The following MRTFB variants were observed in gnomAD, a reference collection of about 807,000 sequenced individuals.
The protein encoded by MRTFB is myocardin related transcription factor B, also known as myocardin-related transcription factor B.
A neutral mutation model predicts 104.2 loss-of-function variants in MRTFB; 29 were observed. That is an observed-to-expected ratio of 0.28 (90% CI 0.21 to 0.38). MRTFB has a LOEUF of 0.38. MRTFB is among the 10% of genes least tolerant of loss of function. The pLI, the probability that MRTFB is intolerant of heterozygous loss-of-function variation, is 1.00. For missense variants in MRTFB, 1,270 were observed against 1,341.6 expected (o/e 0.95, Z 0.83); for synonymous variants, 535 against 519.5 (o/e 1.03, Z -0.41).
chr16:14,152,317 CATAT>C (rs1253921605), intron 3 of MRTFB: 1 of 151,556 alleles, frequency 6.6e-6, no homozygotes, highest in African/African-American at 2.4e-5. Flanking sequence ...CATGTTTATG[CATAT>C]ATATAAATAT....
intron 2 of MRTFB, among the ~76,000 whole-genome samples, chr16:14,134,490 G>T (rs1402594778): frequency 6.6e-6 from 1 of 152,206 alleles, no homozygotes; most frequent in Non-Finnish European, 1.5e-5. Flanking sequence ...AAGAGGAGAG[G>T]GTTTCCTTCA....
intron 2 of MRTFB, among the ~76,000 whole-genome samples, chr16:14,127,929 ATTTT>A (rs67001306): frequency 1.3e-3 from 56 of 44,568 alleles, no homozygotes; most frequent in East Asian, 3.9e-3. Context: ...ATATATATAT[ATTTT>A]TTTTTTTTTT....
At chr16:14,006,246 G>A in the MRTFB span, among the ~76,000 whole-genome samples, 2 of 152,184 alleles carry the variant, frequency 1.3e-5, no homozygotes, top group African/African-American at 2.4e-5. Flanking sequence ...GGGAGGCTGA[G>A]GCAGGAGAAC....
At chr16:14,187,148 A>G in intron 3 of MRTFB, 1 of 805,964 alleles carries the variant, frequency 1.2e-6, no homozygotes, top group Non-Finnish European at 1.9e-6. Context: ...TCACTCATGT[A>G]CCTTACACAT....
At chr16:14,028,390 G>A in the MRTFB span, among the ~76,000 whole-genome samples, 1 of 152,076 alleles carries the variant, frequency 6.6e-6, no homozygotes, top group Non-Finnish European at 1.5e-5. Flanking sequence ...AGAAAGGCTC[G>A]GGTTTCCTGC....
the MRTFB span, among the ~76,000 whole-genome samples, chr16:14,023,342 G>A: frequency 6.6e-6 from 1 of 152,130 alleles, no homozygotes; most frequent in East Asian, 1.9e-4. Context: ...CTATTCAGGA[G>A]GCTGAGGTGG....
chr16:14,164,928 GA>G lies in MRTFB; in HGVS notation c.154+24177del, dbSNP rs370746479. Among the ~76,000 whole-genome samples the G allele has an allele frequency of 8.1e-3, 1,173 of 143,998 alleles. 12 individuals are homozygous for G. The highest frequency in any genetic ancestry group is 0.027 in the African/African-American group (1,037 of 39,048). 94.5% of individuals were successfully genotyped at this position (143,998 alleles called of 152,430 possible). A position where few individuals can be genotyped will look rare whatever the true frequency, so the allele number is the denominator to read the frequency against. Reference sequence around the variant, plus strand: ...GGGTTGACTCTGCATGTAGAAGAAGGAAAAAAAAAGCTGAAGACAAAATTAA... The same window carrying G: ...GGGTTGACTCTGCATGTAGAAGAAGGAAAAAAAAGCTGAAGACAAAATTAA... On this transcript the variant is annotated intron_variant, in intron 3 of 16. Transcript: ENST00000571589.
the MRTFB span, among the ~76,000 whole-genome samples, chr16:14,004,937 C>G: frequency 6.6e-6 from 1 of 152,258 alleles, no homozygotes; most frequent in Non-Finnish European, 1.5e-5. Flanking sequence ...CCGGTTCTCC[C>G]CCAGGGGCTG....
chr16:14,156,043 C>T (rs8049465), intron 3 of MRTFB, among the ~76,000 whole-genome samples: 8,588 of 152,220 alleles, frequency 0.056, 751 homozygotes, highest in African/African-American at 0.19. Context: ...CTCCTCTTAC[C>T]CACAGTCTAG....
chr16:14,116,224 G>A (rs2036535777), intron 2 of MRTFB, among the ~76,000 whole-genome samples: 1 of 151,314 alleles, frequency 6.6e-6, no homozygotes, highest in Non-Finnish European at 1.5e-5. Context: ...CCTATTGACT[G>A]TACCTTCTGT....
intron 1 of MRTFB, among the ~76,000 whole-genome samples, chr16:14,074,157 T>G (rs1401024087): frequency 6.6e-6 from 1 of 152,144 alleles, no homozygotes; most frequent in Non-Finnish European, 1.5e-5. Context: ...GAAACAGACA[T>G]GTAGGTAATG....
At chr16:14,064,218 TG>T in the MRTFB span, among the ~76,000 whole-genome samples, 1 of 152,228 alleles carries the variant, frequency 6.6e-6, no homozygotes, top group Admixed American at 6.5e-5. Flanking sequence ...CGCATTTTTC[TG>T]ATGATTAGTG....
chr16:14,180,207 C>G (rs946448717), intron 3 of MRTFB, among the ~76,000 whole-genome samples: 5 of 152,190 alleles, frequency 3.3e-5, no homozygotes, highest in African/African-American at 4.8e-5. Flanking sequence ...ACACACACAC[C>G]TAACATGTCC....
At chr16:14,045,508 A>G in the MRTFB span, among the ~76,000 whole-genome samples, 1 of 152,148 alleles carries the variant, frequency 6.6e-6, no homozygotes, top group African/African-American at 2.4e-5. Context: ...ATATTCGAAA[A>G]CCTTACCTGT....
intron 9 of MRTFB, among the ~76,000 whole-genome samples, chr16:14,239,509 T>C (rs1181029876): frequency 6.6e-6 from 1 of 152,254 alleles, no homozygotes; most frequent in East Asian, 1.9e-4. Flanking sequence ...TACTTTCGTA[T>C]ATTTTCTTTT....
chr16:14,073,518 A>C lies in MRTFB; in HGVS notation c.-129+2153A>C, dbSNP rs964991798. On this transcript the variant is annotated intron_variant, in intron 1 of 16. Transcript: ENST00000571589. The stretch of plus-strand genomic sequence containing the variant: ...TTCTTTCAGAAGTGTCTGACGTACA[A>C]AAAGCATGCTTTTGGTTAGTGGCGC... Among the ~76,000 whole-genome samples, 14 of 152,218 alleles carry C rather than the reference A, an allele frequency of 9.2e-5. 1 individual carries two copies. Among genetic ancestry groups the C allele is most frequent in the Non-Finnish European group, 1.8e-4 (12 of 68,046 alleles).
intron 9 of MRTFB, 135 bp downstream of exon 9, chr16:14,234,418 A>G: frequency 9.6e-7 from 1 of 1,043,532 alleles, no homozygotes; most frequent in South Asian, 2.0e-5. Flanking sequence ...AAACTAAGCC[A>G]TGCAAAGACT....
At chr16:14,258,021 A>G in intron 15 of MRTFB, 80 bp from the exon 16 acceptor site, 1 of 1,190,170 alleles carries the variant, frequency 8.4e-7, no homozygotes, top group Non-Finnish European at 1.2e-6. Flanking sequence ...ATCATCTAGA[A>G]AGTCCCTTAG....
intron 3 of MRTFB, among the ~76,000 whole-genome samples, chr16:14,157,097 A>T (rs2038856530): frequency 1.3e-5 from 2 of 152,344 alleles, no homozygotes; most frequent in East Asian, 3.9e-4. Context: ...CATAATGTGC[A>T]CATAGTACTT....
Sources: allele counts gnomAD v4.1 joint callset (sites outside exome capture counted in the v4.1 genomes callset), GRCh38; gene constraint gnomAD v4.1.1; transcripts MANE v1.5; gene names NCBI Gene and HGNC (gene_info 2026-07-23, HGNC 2026-07-21).